DNAH9: variants seen among roughly 807,000 people sequenced by gnomAD.
DNAH9 encodes dynein axonemal heavy chain 9, also known as DNAH9 variant protein.
DNAH9 carries 345 observed loss-of-function variants against 471.6 expected under a neutral mutation model. The ratio of observed to expected loss-of-function variants is 0.73; its 90% confidence interval spans 0.67 to 0.80. The LOEUF is 0.80. Among genes scored for constraint, DNAH9 ranks in the 30% least tolerant of loss-of-function variants. The pLI is 0.00. For missense variants in DNAH9, 5,407 were observed against 5,609.2 expected, an observed-to-expected ratio of 0.96 and a Z score of 1.15; for synonymous variants, 2,093 against 2,123.6, an observed-to-expected ratio of 0.99 and a Z score of 0.40.
intron 67 of DNAH9, among the ~76,000 whole-genome samples, chr17:11,951,922 CAAA>C (rs200475331): frequency 6.4e-5 from 7 of 109,218 alleles, no homozygotes; most frequent in East Asian, 2.6e-4. Context: ...AACTCCATCT[CAAA>C]AAAAAAAAAA....
At chr17:11,629,298 T>C in intron 6 of DNAH9, 119 bp from the exon 7 acceptor site, 1 of 578,334 alleles carries the variant, frequency 1.7e-6, no homozygotes. Flanking sequence ...CCTTCCTGTG[T>C]CCATGTGTTC....
chr17:11,755,883 C>T (rs190897771), intron 33 of DNAH9, among the ~76,000 whole-genome samples: 16 of 152,204 alleles, frequency 1.1e-4, no homozygotes, highest in African/African-American at 3.6e-4. Flanking sequence ...GACAGTTCCA[C>T]GTAAATGAGG....
chr17:11,757,463 A>G, intron 34 of DNAH9, 82 bp from the exon 35 acceptor site: 1 of 1,297,948 alleles, frequency 7.7e-7, no homozygotes, highest in Non-Finnish European at 1.1e-6. Context: ...ACATTTTCCA[A>G]ACAGAGAAAA....
At chr17:11,777,259 A>G (rs916085976) in intron 38 of DNAH9, among the ~76,000 whole-genome samples, 4 of 152,148 alleles carry the variant, frequency 2.6e-5, no homozygotes, top group Non-Finnish European at 4.4e-5. Flanking sequence ...TTTGAGATCA[A>G]TTTTTACGTG....
chr17:11,693,069 C>CT (rs35936347), intron 20 of DNAH9, among the ~76,000 whole-genome samples: 23 of 101,302 alleles, frequency 2.3e-4, no homozygotes, highest in East Asian at 5.6e-4. Context: ...CCATGACCGG[C>CT]TTTTTTTTTT....
intron 22 of DNAH9, among the ~76,000 whole-genome samples, chr17:11,697,496 T>C (rs991618824): frequency 2.6e-5 from 4 of 152,230 alleles, no homozygotes; most frequent in African/African-American, 9.6e-5. Flanking sequence ...TTTGTATGCT[T>C]ATATACTTGT....
chr17:11,960,609 A>G (rs1489236412), intron 67 of DNAH9, among the ~76,000 whole-genome samples: 2 of 151,618 alleles, frequency 1.3e-5, no homozygotes, highest in African/African-American at 2.4e-5. Flanking sequence ...AAAATACAAA[A>G]TTAGCTGGGC....
intron 67 of DNAH9, among the ~76,000 whole-genome samples, chr17:11,957,205 A>C (rs943965197): frequency 2.6e-5 from 4 of 152,170 alleles, no homozygotes; most frequent in Admixed American, 2.0e-4. Context: ...AAGCTCACCC[A>C]AGTAAAATGT....
At chr17:11,923,993 C>G (rs1470584747) in intron 62 of DNAH9, 52 bp downstream of exon 62, 1 of 1,591,824 alleles carries the variant, frequency 6.3e-7, no homozygotes, top group Non-Finnish European at 8.6e-7. Flanking sequence ...TTGCCTCATC[C>G]CACACTCACT....
At position 11,768,473 on chromosome 17, in the gene DNAH9, G is replaced by A; in HGVS notation, c.7191G>A (p.Glu2397=). The A allele has an allele frequency of 6.2e-7, 1 of 1,614,040 alleles. No individual in the cohort carries two copies. The change falls in exon 37 of 69, where the codon GAG becomes GAA. Residue 2397 remains glutamate (E), a synonymous_variant. Transcript: ENST00000262442. ...TGCAGCTTGTGGACTACCGGGCAGA[G>A]TTCAGCAAATGGTGGCTGACTGAGT... The part of the protein sequence containing the change: ...VQDQLVDYRA[E]FSKWWLTEFK...
intron 38 of DNAH9, among the ~76,000 whole-genome samples, chr17:11,771,093 A>G (rs966580933): frequency 4.6e-5 from 7 of 152,214 alleles, no homozygotes; most frequent in South Asian, 4.1e-4. Flanking sequence ...GATTTTCAAT[A>G]TAATTTACTT....
chr17:11,751,611 A>G (rs1382094419), intron 32 of DNAH9, among the ~76,000 whole-genome samples: 1 of 152,124 alleles, frequency 6.6e-6, no homozygotes, highest in Non-Finnish European at 1.5e-5. Flanking sequence ...CTGTACCTAA[A>G]GCTGAAATGA....
At chr17:11,719,710 G>A (rs1215727021) in intron 27 of DNAH9, among the ~76,000 whole-genome samples, 1 of 152,162 alleles carries the variant, frequency 6.6e-6, no homozygotes, top group Non-Finnish European at 1.5e-5. Flanking sequence ...AGGAAGCACA[G>A]CCCTTTGTAT....
At chr17:11,719,156 C>T (rs185856182) in intron 26 of DNAH9, among the ~76,000 whole-genome samples, 178 bp from the exon 27 acceptor site, 11 of 152,166 alleles carry the variant, frequency 7.2e-5, no homozygotes, top group African/African-American at 2.2e-4. Context: ...GGAGGGAGCA[C>T]TGTGATGAGC....
rs769602859 is a variant in DNAH9, at chr17:11,643,328, AG to A, written c.1902-1299del. On this transcript the variant is annotated intron_variant, in intron 10 of 68. Transcript: ENST00000262442. Reference sequence around the variant, plus strand: ...TGTGTATTACATGTGCACATGTTTCAGGGGTAAGAGCTGGGAGGGACCCTCA... The same window carrying A: ...TGTGTATTACATGTGCACATGTTTCAGGGTAAGAGCTGGGAGGGACCCTCA... 2.0e-4 allele frequency among the ~76,000 whole-genome samples: 30 copies of A among 152,276 alleles called. No homozygotes were observed. The South Asian group carries it at 2.3e-3, about 12-fold the overall frequency.
rs1567809172 is a variant in DNAH9, at chr17:11,797,750, A to G, written c.8377A>G (p.Thr2793Ala). ...EALENHNEVN[T>A]VMDLVLFEDA... ...CTTGGAGAACCACAATGAAGTCAAC[A>G]CAGTGATGGACCTAGTTCTCTTTGA... Residue 2793 changes from threonine to alanine, a missense_variant, in exon 43 of 69, where the codon ACA becomes GCA. Thr to Ala is a moderately conservative substitution (Grantham distance 58). Around this residue, in one of 3 missense-constraint regions of DNAH9, gnomAD observed 4,636 missense variants for 4,900.3 expected, o/e 0.95. Coordinates refer to ENST00000262442, the MANE Select transcript of DNAH9 (RefSeq NM_001372.4). The G allele has an allele frequency of 2.5e-6, 4 of 1,614,200 alleles. No homozygotes were observed. The highest frequency in any genetic ancestry group is 3.4e-6 in the Non-Finnish European group (4 of 1,180,024).
Position 11,619,702 on chromosome 17 carries a change from A to T in DNAH9, c.1271A>T (p.Glu424Val). 2 of 1,614,082 alleles carry T rather than the reference A, an allele frequency of 1.2e-6. No individual in the cohort carries two copies. Among genetic ancestry groups the T allele is most frequent in the Non-Finnish European group, 1.7e-6 (2 of 1,179,962 alleles). ...NLHTYFKENQ[E>V]VKEWDFQSSL... ...CACACTTACTTCAAAGAGAACCAGG[A>T]AGTCAAGGAATGGGATTTCCAGTCT... Residue 424 changes from glutamate to valine, a missense_variant, in exon 6 of 69, where the codon GAA becomes GTA. By Grantham distance (121) the Glu-to-Val change is moderately radical. Transcript: ENST00000262442.
At chr17:11,924,355 C>T (rs1402143967) in intron 62 of DNAH9, among the ~76,000 whole-genome samples, 3 of 152,018 alleles carry the variant, frequency 2.0e-5, no homozygotes, top group African/African-American at 7.2e-5. Flanking sequence ...CTCTTCGTCA[C>T]GGGCATGACT....
chr17:11,854,531 C>A (rs1232054434), intron 50 of DNAH9, 103 bp downstream of exon 50: 2 of 1,336,688 alleles, frequency 1.5e-6, no homozygotes, highest in Non-Finnish European at 2.0e-6. Context: ...TAAAGAGAAG[C>A]AGGAAAACCA....
Sources: gnomAD v4.1 joint callset for allele counts (sites outside exome capture counted in the v4.1 genomes callset) on GRCh38, gnomAD v4.1.1 for gene constraint, gnomAD v4.1.1 regional missense constraint, MANE v1.5 for transcripts, NCBI Gene and HGNC (gene_info 2026-07-23, HGNC 2026-07-21) for gene names.